The following MTA3 variants were observed in gnomAD, a reference collection of about 807,000 sequenced individuals.
MTA3 encodes the protein metastasis associated 1 family member 3, also known as metastasis-associated protein MTA3.
MTA3 carries 34 observed loss-of-function variants against 83.5 expected under a neutral mutation model. The observed-to-expected ratio is 0.41, with a 90% CI of 0.31 to 0.54. The LOEUF (loss-of-function observed/expected upper bound fraction) is 0.54. Ranked by LOEUF, MTA3 falls within the 20% of genes least tolerant of loss-of-function variation. MTA3 has a pLI of 0.33. For synonymous variants in MTA3, 303 were observed against 252.7 expected (o/e 1.20, Z -1.89); for missense variants, 761 against 726.4 (o/e 1.05, Z -0.55).
intron 2 of MTA3, among the ~76,000 whole-genome samples, chr2:42,512,610 G>A (rs966361462): frequency 3.3e-5 from 5 of 152,154 alleles, no homozygotes; most frequent in Non-Finnish European, 7.3e-5. Flanking sequence ...TAGAACAAAT[G>A]TCAGCGTAAA....
chr2:42,599,112 C>T (rs1323677051), intron 3 of MTA3, among the ~76,000 whole-genome samples: 1 of 152,114 alleles, frequency 6.6e-6, no homozygotes, highest in East Asian at 1.9e-4. Flanking sequence ...GTCCCATATC[C>T]TTTCAGTGTA....
chr2:42,673,716 A>G (rs1443368681), intron 8 of MTA3, among the ~76,000 whole-genome samples: 1 of 151,794 alleles, frequency 6.6e-6, no homozygotes, highest in Non-Finnish European at 1.5e-5. Context: ...GCCTCAGCTG[A>G]CTCCAGCTGA....
intron 4 of MTA3, among the ~76,000 whole-genome samples, chr2:42,612,260 G>T (rs1023336180): frequency 2.0e-5 from 3 of 152,106 alleles, no homozygotes; most frequent in African/African-American, 7.2e-5. Flanking sequence ...TGTTGCCTAG[G>T]CTGGAAAGTA....
rs3040123 is a variant in MTA3, at chr2:42,734,470, CTTT to C, written c.1759+11455_1759+11457del. Among the ~76,000 whole-genome samples, 770 of 82,398 alleles carry C rather than the reference CTTT, an allele frequency of 9.3e-3. 8 individuals carry two copies. The highest frequency in any genetic ancestry group is 0.07 in the East Asian group (205 of 2,924). 54.1% of individuals were successfully genotyped at this position (82,398 alleles called of 152,430 possible). On this transcript the variant is annotated intron_variant, in intron 16 of 16. Coordinates refer to ENST00000405094, the MANE Select transcript of MTA3 (RefSeq NM_001330442.2). ...TCTTGTAGGCAACAGATCACGGGGC[CTTT>C]TTTTTTTTTTTTTTTTTTTAATCCA... is the stretch of plus-strand genomic sequence containing the variant.
intron 8 of MTA3, among the ~76,000 whole-genome samples, chr2:42,662,648 CTAAG>C (rs774404723): frequency 2.0e-5 from 3 of 151,772 alleles, no homozygotes; most frequent in Non-Finnish European, 4.4e-5. Flanking sequence ...ATTTTGATAA[CTAAG>C]TCTTATGTGA....
At chr2:42,531,176 A>G (rs1322923871) in intron 2 of MTA3, among the ~76,000 whole-genome samples, 1 of 152,120 alleles carries the variant, frequency 6.6e-6, no homozygotes, top group Non-Finnish European at 1.5e-5. Context: ...AGTAAGCCGG[A>G]CTTTCATAAG....
At chr2:42,565,109 A>G (rs529530475), upstream of MTA3, among the ~76,000 whole-genome samples, 5 of 151,906 alleles carry the variant, frequency 3.3e-5, no homozygotes, top group South Asian at 1.0e-3. Context: ...TTTTTCGCAC[A>G]TATAAAAACT....
intron 2 of MTA3, among the ~76,000 whole-genome samples, chr2:42,509,476 T>C (rs1340249877): frequency 6.6e-6 from 1 of 152,150 alleles, no homozygotes; most frequent in Non-Finnish European, 1.5e-5. Context: ...AGAAGCTCAA[T>C]ACCTATTTGT....
chr2:42,753,537 T>TG lies in MTA3; in HGVS notation c.*142dup. On this transcript the variant is annotated 3_prime_UTR_variant, in exon 17 of 17. Coordinates refer to ENST00000405094, the MANE Select transcript of MTA3 (RefSeq NM_001330442.2). The stretch of plus-strand genomic sequence containing the variant: ...TCTGCGTGCATCCATGGAGACGCAA[T>TG]GGGGCGGGGAAGGAACTGTGGGAGT... The TG allele has an allele frequency of 2.0e-6, 3 of 1,489,400 alleles. No homozygotes were observed. In the South Asian group the frequency reaches 3.9e-5, roughly 20 times the overall value. The allele number at this position is 1,489,400 out of a possible 1,614,324, so 92.3% of individuals were successfully genotyped here. A position where few individuals can be genotyped will look rare whatever the true frequency, so the allele number is the denominator to read the frequency against.
At chr2:42,585,710 G>C (rs1487428088) in intron 3 of MTA3, among the ~76,000 whole-genome samples, 1 of 151,792 alleles carries the variant, frequency 6.6e-6, no homozygotes, top group African/African-American at 2.4e-5. Context: ...CCAACCTCAA[G>C]TGATCCACCT....
Position 42,708,857 on chromosome 2 carries a change from G to A in MTA3, c.1303-17G>A. 1.2e-6 allele frequency: 2 copies of A among 1,613,264 alleles called. No homozygotes were observed. Among genetic ancestry groups the A allele is most frequent in the Non-Finnish European group, 1.7e-6 (2 of 1,179,500 alleles). ...AAGTTCACTTCCTTGAGTGTTTGTT[G>A]TTTTCTGATTTTGCAGGACCCTCGT... On this transcript the variant is annotated splice_polypyrimidine_tract_variant and intron_variant, in intron 13 of 16. Coordinates refer to ENST00000405094, the MANE Select transcript of MTA3 (RefSeq NM_001330442.2).
intron 8 of MTA3, among the ~76,000 whole-genome samples, chr2:42,665,159 G>A (rs2104388990): frequency 6.6e-6 from 1 of 152,240 alleles, no homozygotes; most frequent in Non-Finnish European, 1.5e-5. Context: ...TAGCACTTTG[G>A]GAGGCCAAGG....
intron 6 of MTA3, among the ~76,000 whole-genome samples, chr2:42,648,996 CATT>C (rs1462418554): frequency 1.3e-4 from 20 of 152,112 alleles, no homozygotes; most frequent in Non-Finnish European, 2.9e-4. Flanking sequence ...GTATGTAATA[CATT>C]ATATCGTTGC....
At chr2:42,614,148 A>G (rs1553362335) in intron 4 of MTA3, 1 of 151,764 alleles carries the variant, frequency 6.6e-6, no homozygotes, top group Non-Finnish European at 1.5e-5. Flanking sequence ...CCCAGACTGG[A>G]GTGCAGTGGC....
intron 4 of MTA3, among the ~76,000 whole-genome samples, chr2:42,639,106 G>C (rs1687467271): frequency 6.7e-6 from 1 of 150,176 alleles, no homozygotes; most frequent in Admixed American, 6.6e-5. Context: ...TGTCGCCCGG[G>C]CTGGAGTGCA....
At position 42,573,056 on chromosome 2, in the gene MTA3, A is replaced by G. The variant is rs75584631; in HGVS notation, c.96+2552A>G. ...ATTTATAATGGAGGTACCAGAAAGC[A>G]GTCAAGCTGCATGGACCATGGATTT... is the stretch of plus-strand genomic sequence containing the variant. On this transcript the variant is annotated intron_variant, in intron 2 of 16. Coordinates refer to ENST00000405094, the MANE Select transcript of MTA3 (RefSeq NM_001330442.2). Among the ~76,000 whole-genome samples, 19 of 152,300 alleles carry G rather than the reference A, an allele frequency of 1.2e-4. No individual in the cohort carries two copies. The East Asian group carries it at 3.7e-3, about 29-fold the overall frequency.
chr2:42,549,410 A>T (rs185273883), intron 2 of MTA3, among the ~76,000 whole-genome samples: 76 of 116,448 alleles, frequency 6.5e-4, no homozygotes, highest in East Asian at 5.2e-3. Context: ...TACGTATATA[A>T]TATATATTAT....
intron 2 of MTA3, among the ~76,000 whole-genome samples, chr2:42,512,776 C>G (rs1010665911): frequency 6.6e-6 from 1 of 152,184 alleles, no homozygotes; most frequent in African/African-American, 2.4e-5. Flanking sequence ...TCAGTAACAA[C>G]AGATACTTAT....
chr2:42,609,713 A>G (rs1683949195), intron 4 of MTA3, 129 bp downstream of exon 4: 14 of 1,062,280 alleles, frequency 1.3e-5, no homozygotes, highest in Non-Finnish European at 1.8e-5. Context: ...TTCATAATGG[A>G]ATTTTAGGTT....
Sources: gnomAD v4.1 joint callset for allele counts (sites outside exome capture counted in the v4.1 genomes callset) on GRCh38, gnomAD v4.1.1 for gene constraint, MANE v1.5 for transcripts, NCBI Gene and HGNC (gene_info 2026-07-23, HGNC 2026-07-21) for gene names.